SLC35A4: variants seen among roughly 807,000 people sequenced by gnomAD.
SLC35A4 encodes the protein solute carrier family 35 member A4, also known as probable UDP-sugar transporter protein SLC35A4.
A neutral mutation model predicts 18.8 loss-of-function variants in SLC35A4; 9 were observed. That is an observed-to-expected ratio of 0.48 (90% CI 0.29 to 0.83). The LOEUF is 0.83. SLC35A4 is among the 40% of genes least tolerant of loss of function. SLC35A4 has a pLI of 0.09. For missense variants in SLC35A4, 404 were observed against 415.5 expected (o/e 0.97, Z 0.24); for synonymous variants, 189 against 191.9 (o/e 0.98, Z 0.13).
chr5:140,566,759 C>T lies in SLC35A4; in HGVS notation c.-411C>T, dbSNP rs781403529. 1.5e-5 allele frequency: 9 copies of T among 596,090 alleles called. No homozygotes were observed. The highest frequency in any genetic ancestry group is 1.2e-4 in the Admixed American group (4 of 33,316). 36.9% of individuals were successfully genotyped at this position (596,090 alleles called of 1,614,324 possible). A position where few individuals can be genotyped will look rare whatever the true frequency, so the allele number is the denominator to read the frequency against. On this transcript the variant is annotated 5_prime_UTR_variant, in exon 3 of 3. Coordinates refer to ENST00000323146, the MANE Select transcript of SLC35A4 (RefSeq NM_080670.4). The stretch of plus-strand genomic sequence containing the variant: ...TGCAGTTGCTACGCAAGGGGCCCGA[C>T]TAGCTCTAGGTGCCATGGAAGAGGC...
rs570860535 is a variant in SLC35A4, at chr5:140,567,658, T to C, written c.489T>C (p.Val163=). 1.2e-5 allele frequency: 20 copies of C among 1,613,976 alleles called. No individual in the cohort carries two copies. In the Admixed American group the frequency reaches 2.7e-4, roughly 22 times the overall value. The change falls in exon 3 of 3, where the codon GTT becomes GTC. Residue 163 remains valine (V), a synonymous_variant. Coordinates refer to ENST00000323146, the MANE Select transcript of SLC35A4 (RefSeq NM_080670.4). ...GCTATGCAGCAGGGGGCCTTCAAGT[T>C]CCCGGGAACACCCTTCCCAGTCCCC... ...GACYAAGGLQ[V]PGNTLPSPPP...
rs375060937 is a variant in SLC35A4, at chr5:140,567,908, G to A, written c.739G>A (p.Glu247Lys). The A allele has an allele frequency of 4.3e-6, 7 of 1,614,092 alleles. No individual in the cohort carries two copies. Among genetic ancestry groups the A allele is most frequent in the East Asian group, 2.2e-5 (1 of 44,896 alleles). Reference protein sequence around the residue: ...AGGGSGPGLLEGFSGWAALVV... With the variant: ...AGGGSGPGLLKGFSGWAALVV... ...CGGCGGCTCTGGCCCAGGCCTCCTG[G>A]AAGGTTTCTCAGGATGGGCAGCACT... The change falls in exon 3 of 3, where the codon GAA becomes AAA. Residue 247 changes from glutamate (E) to lysine (K), a missense_variant. By Grantham distance (56) the Glu-to-Lys change is moderately conservative. Transcript: ENST00000323146.
At chr5:140,566,020 T>C in intron 2 of SLC35A4, 49 bp downstream of exon 2, 2 of 398,794 alleles carry the variant, frequency 5.0e-6, no homozygotes, top group Non-Finnish European at 8.8e-6. Context: ...TTGCCCAACA[T>C]GCTCTTGAGA....
Position 140,568,486 on chromosome 5 carries a change from G to A in SLC35A4, c.*342G>A. 1 of 325,990 alleles carries A rather than the reference G, an allele frequency of 3.1e-6. No individual in the cohort carries two copies. The highest frequency in any genetic ancestry group is 6.1e-6 in the Non-Finnish European group (1 of 164,658). 20.2% of individuals were successfully genotyped at this position (325,990 alleles called of 1,614,324 possible). On this transcript the variant is annotated 3_prime_UTR_variant, in exon 3 of 3. Coordinates refer to ENST00000323146, the MANE Select transcript of SLC35A4 (RefSeq NM_080670.4). ...CCCTGCTTTGTCCTGCATGAACAGA[G>A]TTGATGAAAGTGGGGTGTGGGCAAC... is the stretch of plus-strand genomic sequence containing the variant.
In SLC35A4 at chr5:140,566,707, A is replaced by G. The variant is rs1451782157; in HGVS notation, c.-463A>G. ...GCGGCTCAGGCATATGCTGTGCCCA[A>G]CGTGGAGAAGACATTAAGGGACTAT... On this transcript the variant is annotated 5_prime_UTR_variant, in exon 3 of 3. Coordinates refer to ENST00000323146, the MANE Select transcript of SLC35A4 (RefSeq NM_080670.4). 6.9e-6 allele frequency: 4 copies of G among 577,230 alleles called. No individual in the cohort carries two copies. The highest frequency in any genetic ancestry group is 3.2e-5 in the Admixed American group (1 of 31,394). 35.8% of individuals were successfully genotyped at this position (577,230 alleles called of 1,614,324 possible).
rs934416058 is a variant in SLC35A4, at chr5:140,566,626, A to G, written c.-544A>G. 7 of 443,084 alleles carry G rather than the reference A, an allele frequency of 1.6e-5. No homozygotes were observed. Among genetic ancestry groups the G allele is most frequent in the African/African-American group, 2.0e-5 (1 of 49,684 alleles). 27.4% of individuals were successfully genotyped at this position (443,084 alleles called of 1,614,324 possible). A position where few individuals can be genotyped will look rare whatever the true frequency, so the allele number is the denominator to read the frequency against. On this transcript the variant is annotated 5_prime_UTR_variant, in exon 3 of 3. Coordinates refer to ENST00000323146, the MANE Select transcript of SLC35A4 (RefSeq NM_080670.4). ...TTCCTGGCTGGCTATGTGGTGGCCA[A>G]ACTGAGGGCATCAGCAGTATTGGGC...
Position 140,567,952 on chromosome 5 carries a change from A to C in SLC35A4, c.783A>C (p.Ala261=), listed in dbSNP as rs1304915775. The C allele has an allele frequency of 6.2e-7, 1 of 1,614,196 alleles. No homozygotes were observed. The highest frequency in any genetic ancestry group is 2.2e-5 in the East Asian group (1 of 44,876). ...CAGCACTCGTGGTGCTGAGCCAGGC[A>C]CTAAATGGACTGCTCATGTCTGCTG... ...GWAALVVLSQ[A]LNGLLMSAVM... is the part of the protein sequence containing the mutation. The change falls in exon 3 of 3, where the codon GCA becomes GCC. Residue 261 remains alanine (A), a synonymous_variant. Transcript: ENST00000323146.
Position 140,568,248 on chromosome 5 carries a change from A to G in SLC35A4, c.*104A>G, listed in dbSNP as rs1755241489. The G allele has an allele frequency of 1.9e-6, 3 of 1,568,914 alleles. No homozygotes were observed. The highest frequency in any genetic ancestry group is 1.8e-5 in the Admixed American group (1 of 55,930). The stretch of plus-strand genomic sequence containing the variant: ...CTCTCCCATCAGCAGCCCTGTAACA[A>G]GTGCCTTGTGAGAAAAGCTGGAGAA... On this transcript the variant is annotated 3_prime_UTR_variant, in exon 3 of 3. Coordinates refer to ENST00000323146, the MANE Select transcript of SLC35A4 (RefSeq NM_080670.4).
At position 140,567,725 on chromosome 5, in the gene SLC35A4, C is replaced by T; in HGVS notation, c.556C>T (p.Pro186Ser). 4 of 1,614,178 alleles carry T rather than the reference C, an allele frequency of 2.5e-6. No individual in the cohort carries two copies. The highest frequency in any genetic ancestry group is 2.2e-5 in the South Asian group (2 of 91,090). Residue 186 changes from proline (P) to serine (S), a missense_variant, in exon 3 of 3, where the codon CCG (proline) becomes TCG (serine). Coordinates refer to ENST00000323146, the MANE Select transcript of SLC35A4 (RefSeq NM_080670.4). ...AASPMPLHIT[P>S]LGLLLLILYC... Reference sequence around the variant, plus strand: ...CAGCCCCATGCCCCTGCATATCACTCCGCTAGGCCTGCTGCTCCTCATTCT... The same window carrying T: ...CAGCCCCATGCCCCTGCATATCACTTCGCTAGGCCTGCTGCTCCTCATTCT...
In SLC35A4 at chr5:140,567,243, T is replaced by C. The variant is rs756306548; in HGVS notation, c.74T>C (p.Leu25Pro). 1 of 1,614,230 alleles carries C rather than the reference T, an allele frequency of 6.2e-7. No homozygotes were observed. The highest frequency in any genetic ancestry group is 2.2e-5 in the East Asian group (1 of 44,880). Residue 25 changes from leucine (L) to proline (P), a missense_variant, in exon 3 of 3, where the codon CTA becomes CCA. Leu to Pro is a moderately conservative substitution (Grantham distance 98). Transcript: ENST00000323146. The part of the protein sequence containing the change: ...RQARWTLMLL[L>P]STAMYGAHAP... The stretch of plus-strand genomic sequence containing the variant: ...GCCCGCTGGACCCTGATGCTACTCC[T>C]ATCCACTGCCATGTACGGTGCCCAT...
At chr5:140,565,728 C>A (rs1420564240) in intron 1 of SLC35A4, 145 bp from the exon 2 acceptor site, 2 of 393,136 alleles carry the variant, frequency 5.1e-6, no homozygotes, top group Non-Finnish European at 9.0e-6. Context: ...GCTTGTCTTT[C>A]TTTGCCACTG....
At position 140,567,406 on chromosome 5, in the gene SLC35A4, G is replaced by A. The variant is rs1561880232; in HGVS notation, c.237G>A (p.Gly79=). The A allele has an allele frequency of 6.2e-7, 1 of 1,614,012 alleles. No homozygotes were observed. The highest frequency in any genetic ancestry group is 8.5e-7 in the Non-Finnish European group (1 of 1,180,042). Residue 79 remains glycine (G), a synonymous_variant, in exon 3 of 3, where the codon GGG becomes GGA. Coordinates refer to ENST00000323146, the MANE Select transcript of SLC35A4 (RefSeq NM_080670.4). ...LLVGWQAWPQ[G]PPPWRQAAPF... ...TAGGCTGGCAAGCATGGCCCCAGGG[G>A]CCCCCACCCTGGCGCCAGGCTGCTC... is the stretch of plus-strand genomic sequence containing the variant.
Position 140,568,020 on chromosome 5 carries a change from CCTG to C in SLC35A4, c.854_856del (p.Cys285del). On this transcript the variant is annotated inframe_deletion, in exon 3 of 3. Coordinates refer to ENST00000323146, the MANE Select transcript of SLC35A4 (RefSeq NM_080670.4). ...AGCATCACACGCCTCTTTGTGGTGT[CCTG>C]CTCGCTGGTGGTCAACGCCGTGCTC... 6.2e-7 allele frequency: 1 copy of C among 1,614,038 alleles called. No individual in the cohort carries two copies. Among genetic ancestry groups the C allele is most frequent in the Non-Finnish European group, 8.5e-7 (1 of 1,179,994 alleles).
In SLC35A4 at chr5:140,564,849, G is replaced by A; in HGVS notation, c.-714G>A. ...CAACAAGTTCGGCGGGGAAGATGGC[G>A]GATGACAAGGTGAGTGGCCGTGGGG... On this transcript the variant is annotated 5_prime_UTR_variant, in exon 1 of 3. Transcript: ENST00000323146. This position sits in a 1 kb window ranked among gnomAD's most constrained non-coding sequence, Gnocchi z 5.0. 1 of 404,102 alleles carries A rather than the reference G, an allele frequency of 2.5e-6. No individual in the cohort carries two copies. Among genetic ancestry groups the A allele is most frequent in the South Asian group, 1.1e-4 (1 of 9,040 alleles). The allele number at this position is 404,102 out of a possible 1,614,324, so 25.0% of individuals were successfully genotyped here.
At position 140,566,927 on chromosome 5, in the gene SLC35A4, C is replaced by G. The variant is rs1021768227; in HGVS notation, c.-243C>G. 15 of 678,990 alleles carry G rather than the reference C, an allele frequency of 2.2e-5. No homozygotes were observed. The highest frequency in any genetic ancestry group is 4.0e-5 in the Non-Finnish European group (15 of 376,440). 42.1% of individuals were successfully genotyped at this position (678,990 alleles called of 1,614,324 possible). A position where few individuals can be genotyped will look rare whatever the true frequency, so the allele number is the denominator to read the frequency against. On this transcript the variant is annotated 5_prime_UTR_variant, in exon 3 of 3. Transcript: ENST00000323146. ...TGGACAGTAGTTCCTCAGCCTGCACCCTGGATTCCTTCTTCCCCTTCCTAG... is the reference window on the plus strand; with the variant it reads ...TGGACAGTAGTTCCTCAGCCTGCACGCTGGATTCCTTCTTCCCCTTCCTAG...
Position 140,568,028 on chromosome 5 carries a change from C to G in SLC35A4, c.859C>G (p.Leu287Val), listed in dbSNP as rs757833436. The G allele has an allele frequency of 1.2e-6, 2 of 1,614,042 alleles. No homozygotes were observed. Among genetic ancestry groups the G allele is most frequent in the Admixed American group, 3.3e-5 (2 of 60,032 alleles). ...ACGCCTCTTTGTGGTGTCCTGCTCG[C>G]TGGTGGTCAACGCCGTGCTCTCAGC... ...ITRLFVVSCSLVVNAVLSAVL... is the reference protein window; with the variant it reads ...ITRLFVVSCSVVVNAVLSAVL... Residue 287 changes from leucine to valine, a missense_variant, in exon 3 of 3, where the codon CTG becomes GTG. Transcript: ENST00000323146.
intron 1 of SLC35A4, chr5:140,565,197 A>G (rs560888504): frequency 6.4e-5 from 20 of 314,474 alleles, no homozygotes; most frequent in Non-Finnish European, 1.2e-4. Flanking sequence ...TTCCAATCAC[A>G]CGGACACTCA....
In SLC35A4 at chr5:140,567,906, T is replaced by C. The variant is rs1243374245; in HGVS notation, c.737T>C (p.Leu246Pro). Residue 246 changes from leucine (L) to proline (P), a missense_variant, in exon 3 of 3, where the codon CTG becomes CCG. Leu to Pro is a moderately conservative substitution (Grantham distance 98). Transcript: ENST00000323146. ...GGCGGCGGCTCTGGCCCAGGCCTCC[T>C]GGAAGGTTTCTCAGGATGGGCAGCA... ...HAGGGSGPGL[L>P]EGFSGWAALV... 1 of 1,614,074 alleles carries C rather than the reference T, an allele frequency of 6.2e-7. No individual in the cohort carries two copies. Among genetic ancestry groups the C allele is most frequent in the African/African-American group, 1.3e-5 (1 of 74,926 alleles).
chr5:140,567,993 G>A lies in SLC35A4; in HGVS notation c.824G>A (p.Ser275Asn), dbSNP rs1235741181. The A allele has an allele frequency of 3.1e-6, 5 of 1,614,020 alleles. No individual in the cohort carries two copies. In the South Asian group the frequency reaches 5.5e-5, roughly 18 times the overall value. The change falls in exon 3 of 3, where the codon AGC (serine) becomes AAC (asparagine). Residue 275 changes from serine to asparagine, a missense_variant. Coordinates refer to ENST00000323146, the MANE Select transcript of SLC35A4 (RefSeq NM_080670.4). Reference sequence around the variant, plus strand: ...ATGTCTGCTGTCATGAAGCATGGCAGCAGCATCACACGCCTCTTTGTGGTG... The same window carrying A: ...ATGTCTGCTGTCATGAAGCATGGCAACAGCATCACACGCCTCTTTGTGGTG... ...LLMSAVMKHG[S>N]SITRLFVVSC...
Sources: gnomAD v4.1 joint callset for allele counts on GRCh38, gnomAD v4.1.1 for gene constraint, Gnocchi (gnomAD v3.1) non-coding constraint, MANE v1.5 for transcripts, NCBI Gene and HGNC (gene_info 2026-07-23, HGNC 2026-07-21) for gene names.